PTPRO: variants seen among roughly 807,000 people sequenced by gnomAD.
PTPRO encodes receptor-type tyrosine-protein phosphatase O.
In PTPRO, 62 loss-of-function variants were observed where a neutral mutation model predicts 145.2. The ratio of observed to expected loss-of-function variants is 0.43; its 90% CI spans 0.35 to 0.53. The LOEUF is 0.53. Ranked by LOEUF, PTPRO falls within the 20% of genes least tolerant of loss-of-function variation. The probability of loss-of-function intolerance (pLI) is 0.01; values close to 1 mark genes in which losing one functional copy is unlikely to be tolerated. For synonymous variants in PTPRO, 565 were observed against 514.7 expected (o/e 1.10, Z -1.32); for missense variants, 1,345 against 1,482.7 (o/e 0.91, Z 1.53).
chr12:15,589,612 A>C, intron 25 of PTPRO, 22 bp downstream of exon 25: 1 of 1,613,352 alleles, frequency 6.2e-7, no homozygotes, highest in South Asian at 1.1e-5. Context: ...ATCTATATGT[A>C]TTTTTAAATT....
At chr12:15,525,048 G>C (rs981622529) in intron 11 of PTPRO, 83 bp downstream of exon 11, 35 of 1,518,498 alleles carry the variant, frequency 2.3e-5, no homozygotes, top group Non-Finnish European at 2.9e-5. Flanking sequence ...ATCATTTATT[G>C]ACACGTCAAA....
intron 1 of PTPRO, among the ~76,000 whole-genome samples, chr12:15,459,453 G>A (rs1211273394): frequency 1.3e-5 from 2 of 152,188 alleles, no homozygotes; most frequent in African/African-American, 4.8e-5. Context: ...AGAGAAGCTG[G>A]GAACTGGGGG....
chr12:15,470,267 T>A (rs1386008609), intron 1 of PTPRO, among the ~76,000 whole-genome samples: 1 of 152,206 alleles, frequency 6.6e-6, no homozygotes, highest in African/African-American at 2.4e-5. Context: ...TCTGTAGTTA[T>A]AAGAATTGCC....
intron 1 of PTPRO, among the ~76,000 whole-genome samples, chr12:15,365,464 T>C (rs1938332939): frequency 6.6e-6 from 1 of 152,138 alleles, no homozygotes; most frequent in Non-Finnish European, 1.5e-5. Flanking sequence ...ATAAAGGGTA[T>C]ATTTTATGAC....
intron 1 of PTPRO, among the ~76,000 whole-genome samples, chr12:15,456,648 T>C (rs1245737547): frequency 6.6e-6 from 1 of 152,300 alleles, no homozygotes; most frequent in South Asian, 2.1e-4. Flanking sequence ...TTACTAGTTA[T>C]AGGTCTTTTC....
At chr12:15,457,787 CAT>C (rs1296401643) in intron 1 of PTPRO, among the ~76,000 whole-genome samples, 1 of 152,176 alleles carries the variant, frequency 6.6e-6, no homozygotes, top group East Asian at 1.9e-4. Flanking sequence ...TCACAATTCA[CAT>C]GTTTTTATAT....
intron 23 of PTPRO, among the ~76,000 whole-genome samples, chr12:15,586,039 A>C (rs1944423246): frequency 6.6e-6 from 1 of 152,216 alleles, no homozygotes; most frequent in Non-Finnish European, 1.5e-5. Context: ...GTAATGAGGT[A>C]CTAGTAAGTA....
intron 19 of PTPRO, among the ~76,000 whole-genome samples, chr12:15,569,915 G>C (rs143160473): frequency 6.6e-6 from 1 of 152,148 alleles, no homozygotes; most frequent in Non-Finnish European, 1.5e-5. Flanking sequence ...GACCCCCTTT[G>C]TGTCCTGGGC....
intron 1 of PTPRO, among the ~76,000 whole-genome samples, chr12:15,341,140 T>C (rs1046425558): frequency 3.9e-5 from 6 of 152,182 alleles, no homozygotes; most frequent in African/African-American, 1.4e-4. Flanking sequence ...TTTATTTAAT[T>C]TATTAGAGTA....
At chr12:15,539,203 G>A (rs988334469) in intron 12 of PTPRO, among the ~76,000 whole-genome samples, 4 of 151,542 alleles carry the variant, frequency 2.6e-5, no homozygotes, top group Non-Finnish European at 5.9e-5. Context: ...TATTTAGTAG[G>A]TACAATGTAT....
chr12:15,322,914 G>T lies in PTPRO; in HGVS notation c.75+113G>T. 1.9e-6 allele frequency: 2 copies of T among 1,045,746 alleles called. No individual in the cohort carries two copies. Among genetic ancestry groups the T allele is most frequent in the East Asian group, 2.7e-5 (1 of 36,596 alleles). The allele number at this position is 1,045,746 out of a possible 1,614,324, so 64.8% of individuals were successfully genotyped here. A position where few individuals can be genotyped will look rare whatever the true frequency, so the allele number is the denominator to read the frequency against. On this transcript the variant is annotated intron_variant, in intron 1 of 26. Transcript: ENST00000281171. The surrounding 1 kb of genome is among the most constrained non-coding windows in gnomAD (Gnocchi z 6.3). ...CCCCAGGGCACGATGGCCCAGCCGC[G>T]GGAAGCGCCTGCCGTGCAGCCTGGG... is the stretch of plus-strand genomic sequence containing the variant.
At chr12:15,334,184 T>A (rs1048469224) in intron 1 of PTPRO, among the ~76,000 whole-genome samples, 1 of 152,236 alleles carries the variant, frequency 6.6e-6, no homozygotes, top group African/African-American at 2.4e-5. Flanking sequence ...AAAACTTTTA[T>A]GATTTCCTTT....
In PTPRO at chr12:15,459,440, C is replaced by T. The variant is rs181487655; in HGVS notation, c.76-24534C>T. Among the ~76,000 whole-genome samples the T allele has an allele frequency of 2.2e-3, 331 of 152,302 alleles. 2 individuals carry two copies. Among genetic ancestry groups the T allele is most frequent in the African/African-American group, 7.8e-3 (323 of 41,566 alleles). On this transcript the variant is annotated intron_variant, in intron 1 of 26. Transcript: ENST00000281171. Reference sequence around the variant, plus strand: ...TAATGTAGTTCTTTCCTTCCCTCTCCGGAGAGAAGCTGGGAACTGGGGGTT... The same window carrying T: ...TAATGTAGTTCTTTCCTTCCCTCTCTGGAGAGAAGCTGGGAACTGGGGGTT...
intron 1 of PTPRO, among the ~76,000 whole-genome samples, chr12:15,442,394 G>T (rs551453809): frequency 6.6e-6 from 1 of 152,112 alleles, no homozygotes; most frequent in Non-Finnish European, 1.5e-5. Context: ...GCATCATACT[G>T]AATGGGCAAA....
intron 1 of PTPRO, among the ~76,000 whole-genome samples, chr12:15,331,948 G>C (rs73057225): frequency 0.26 from 36,681 of 140,950 alleles, 4,770 homozygotes; most frequent in Non-Finnish European, 0.31. Flanking sequence ...TATCCTTTTT[G>C]TTTCTCTTTC....
At chr12:15,427,983 A>G (rs1265050810) in intron 1 of PTPRO, among the ~76,000 whole-genome samples, 4 of 152,136 alleles carry the variant, frequency 2.6e-5, no homozygotes, top group Admixed American at 1.3e-4. Context: ...CGGTTTATCA[A>G]TGTAGGTAAC....
intron 23 of PTPRO, among the ~76,000 whole-genome samples, chr12:15,582,709 GT>G (rs1172154647): frequency 6.6e-6 from 1 of 151,908 alleles, no homozygotes; most frequent in East Asian, 1.9e-4. Context: ...TTTGGGTTTT[GT>G]TTTGTTTTTT....
rs532068726 is a variant in PTPRO, at chr12:15,462,377, C to T, written c.76-21597C>T. Among the ~76,000 whole-genome samples, 274 of 152,278 alleles carry T rather than the reference C, an allele frequency of 1.8e-3. 1 individual carries two copies. The highest frequency in any genetic ancestry group is 3.2e-3 in the Non-Finnish European group (216 of 67,998). On this transcript the variant is annotated intron_variant, in intron 1 of 26. Coordinates refer to ENST00000281171, the MANE Select transcript of PTPRO (RefSeq NM_030667.3). ...CTGACCTCAAGTGACCCACCCGCCTCGGCCTCCCAAAGTGCTGGGATTGTA... is the reference window on the plus strand; with the variant it reads ...CTGACCTCAAGTGACCCACCCGCCTTGGCCTCCCAAAGTGCTGGGATTGTA...
chr12:15,386,076 C>T (rs1011433878), intron 1 of PTPRO, among the ~76,000 whole-genome samples: 19 of 151,994 alleles, frequency 1.3e-4, no homozygotes, highest in African/African-American at 4.6e-4. Flanking sequence ...CTAGATCTTT[C>T]TAGCACCCAA....
Sources: gnomAD v4.1 joint callset for allele counts (sites outside exome capture counted in the v4.1 genomes callset) on GRCh38, gnomAD v4.1.1 for gene constraint, Gnocchi (gnomAD v3.1) non-coding constraint, MANE v1.5 for transcripts, NCBI Gene and HGNC (gene_info 2026-07-23, HGNC 2026-07-21) for gene names.